The following CCSER1 variants were observed in gnomAD, a reference collection of about 807,000 sequenced individuals.
CCSER1 encodes the protein coiled-coil serine rich protein 1, also known as serine-rich coiled-coil domain-containing protein 1.
CCSER1 carries 41 observed loss-of-function variants against 82.0 expected under a neutral mutation model. The observed-to-expected ratio is 0.50, with a 90% confidence interval of 0.39 to 0.65. The LOEUF is 0.65. Among genes scored for constraint, CCSER1 ranks in the 30% least tolerant of loss-of-function variants. CCSER1 has a pLI of 0.00. For missense variants in CCSER1, 1,119 were observed against 1,064.2 expected, an observed-to-expected ratio of 1.05 and a Z score of -0.72; for synonymous variants, 414 against 383.9, an observed-to-expected ratio of 1.08 and a Z score of -0.92.
At chr4:90,741,268 A>T (rs1746514743) in intron 7 of CCSER1, among the ~76,000 whole-genome samples, 1 of 152,246 alleles carries the variant, frequency 6.6e-6, no homozygotes, top group Admixed American at 6.5e-5. Context: ...TCTTGGTTTG[A>T]GAATCCACTT....
intron 4 of CCSER1, among the ~76,000 whole-genome samples, chr4:90,457,338 T>A (rs1762311586): frequency 1.3e-5 from 2 of 152,194 alleles, no homozygotes; most frequent in Admixed American, 1.3e-4. Context: ...CTCTCTTTTT[T>A]CTTCTCCTCT....
chr4:90,926,892 G>A (rs1729131653), intron 9 of CCSER1, among the ~76,000 whole-genome samples: 1 of 151,968 alleles, frequency 6.6e-6, no homozygotes, highest in South Asian at 2.1e-4. Flanking sequence ...TAGTTAAGTA[G>A]CATTGCTGCC....
intron 10 of CCSER1, among the ~76,000 whole-genome samples, chr4:91,551,042 A>G (rs973741318): frequency 6.6e-6 from 1 of 152,124 alleles, no homozygotes; most frequent in African/African-American, 2.4e-5. Context: ...AAAAAGAAAG[A>G]GCAGTCAAAT....
chr4:91,176,744 A>G (rs1733416848), intron 10 of CCSER1, among the ~76,000 whole-genome samples: 2 of 152,306 alleles, frequency 1.3e-5, no homozygotes, highest in South Asian at 4.1e-4. Context: ...TTTTCTAAAT[A>G]TACAATCATA....
chr4:90,300,445 A>C (rs1223736650), intron 1 of CCSER1, among the ~76,000 whole-genome samples: 1 of 152,132 alleles, frequency 6.6e-6, no homozygotes, highest in Non-Finnish European at 1.5e-5. Context: ...AAACTCTATA[A>C]AATAATTATT....
rs77074472 is a variant in CCSER1, at chr4:91,188,529, C to G, written c.2217+102535C>G. Among the ~76,000 whole-genome samples, 81 of 152,242 alleles carry G rather than the reference C, an allele frequency of 5.3e-4. No homozygotes were observed. In the East Asian group the frequency reaches 8.5e-3, roughly 16 times the overall value. The stretch of plus-strand genomic sequence containing the variant: ...AATTATTACACATTTTCAGGAATAG[C>G]TAGTGCTCAGTAAATTGTTATTATT... On this transcript the variant is annotated intron_variant, in intron 10 of 10. Coordinates refer to ENST00000509176, the MANE Select transcript of CCSER1 (RefSeq NM_001145065.2).
intron 6 of CCSER1, among the ~76,000 whole-genome samples, chr4:90,675,455 G>C (rs557786952): frequency 6.6e-6 from 1 of 151,800 alleles, no homozygotes; most frequent in African/African-American, 2.4e-5. Context: ...CAAAATATTA[G>C]TTTGAAATCA....
At chr4:91,101,633 C>CAA (rs33926247) in intron 10 of CCSER1, among the ~76,000 whole-genome samples, 32,576 of 146,356 alleles carry the variant, frequency 0.22, 3,925 homozygotes, top group East Asian at 0.42. Flanking sequence ...GACTCCGTCT[C>CAA]AAAAAAAAAA....
At chr4:91,285,133 G>A (rs544956195) in intron 10 of CCSER1, among the ~76,000 whole-genome samples, 1 of 151,786 alleles carries the variant, frequency 6.6e-6, no homozygotes, top group South Asian at 2.1e-4. Flanking sequence ...TCTTTTCATA[G>A]GTCTCTCTAT....
chr4:91,085,390 C>T (rs780143822), intron 9 of CCSER1, among the ~76,000 whole-genome samples: 1 of 152,036 alleles, frequency 6.6e-6, no homozygotes, highest in Non-Finnish European at 1.5e-5. Flanking sequence ...ACTCTTTCTT[C>T]TTTTAATTAA....
At chr4:90,393,946 TA>T (rs528025023) in intron 3 of CCSER1, among the ~76,000 whole-genome samples, 244 of 146,162 alleles carry the variant, frequency 1.7e-3, no homozygotes, top group Middle Eastern at 7.1e-3. Context: ...CTTGGCTAAT[TA>T]AAAAAAAAAA....
chr4:90,310,558 A>G (rs975835540), intron 2 of CCSER1, among the ~76,000 whole-genome samples: 1 of 152,128 alleles, frequency 6.6e-6, no homozygotes, highest in Non-Finnish European at 1.5e-5. Context: ...GGGAGCAAAG[A>G]TAAACTGTGT....
At chr4:91,334,602 T>A (rs1285616788) in intron 10 of CCSER1, among the ~76,000 whole-genome samples, 1 of 151,832 alleles carries the variant, frequency 6.6e-6, no homozygotes, top group Non-Finnish European at 1.5e-5. Context: ...CTATAAAACA[T>A]GGTGGTAGAG....
chr4:91,222,706 C>T (rs1010041435), intron 10 of CCSER1, among the ~76,000 whole-genome samples: 3 of 152,040 alleles, frequency 2.0e-5, no homozygotes, highest in Non-Finnish European at 2.9e-5. Context: ...CACTGCTGTC[C>T]AACAAAATTG....
At chr4:91,377,593 G>T (rs894109267) in intron 10 of CCSER1, among the ~76,000 whole-genome samples, 1 of 152,074 alleles carries the variant, frequency 6.6e-6, no homozygotes, top group Non-Finnish European at 1.5e-5. Flanking sequence ...TTTTGATGGG[G>T]TTGTTTGTTT....
intron 1 of CCSER1, among the ~76,000 whole-genome samples, chr4:90,171,018 C>T (rs1731557794): frequency 6.6e-6 from 1 of 151,662 alleles, no homozygotes; most frequent in Non-Finnish European, 1.5e-5. Context: ...AACTCAAAGA[C>T]AGGATAAATG....
chr4:90,777,330 C>T (rs1028176431), intron 7 of CCSER1, among the ~76,000 whole-genome samples: 2 of 121,860 alleles, frequency 1.6e-5, no homozygotes, highest in Non-Finnish European at 3.2e-5. Context: ...GTACTCCAGC[C>T]TGGGCTACAG....
At chr4:91,566,150 T>C (rs890717856) in intron 10 of CCSER1, among the ~76,000 whole-genome samples, 23 of 152,268 alleles carry the variant, frequency 1.5e-4, no homozygotes, top group African/African-American at 4.8e-4. Context: ...GAGATAATCA[T>C]GTGGTTTTTG....
intron 10 of CCSER1, among the ~76,000 whole-genome samples, chr4:91,440,650 A>T (rs1400371034): frequency 6.6e-6 from 1 of 152,212 alleles, no homozygotes; most frequent in African/African-American, 2.4e-5. Context: ...AGAGACACAA[A>T]AAACCCTTCA....
Sources: gnomAD v4.1 joint callset for allele counts (sites outside exome capture counted in the v4.1 genomes callset) on GRCh38, gnomAD v4.1.1 for gene constraint, MANE v1.5 for transcripts, NCBI Gene and HGNC (gene_info 2026-07-23, HGNC 2026-07-21) for gene names.